NRROS: variants seen among roughly 807,000 people sequenced by gnomAD.
The protein encoded by NRROS is transforming growth factor beta activator LRRC33.
In NRROS, 6 loss-of-function variants were observed where a neutral mutation model predicts 12.0. The ratio of observed to expected loss-of-function variants is 0.50; its 90% confidence interval spans 0.27 to 0.98. The LOEUF (loss-of-function observed/expected upper bound fraction) is 0.98. Among genes scored for constraint, NRROS ranks in the 50% least tolerant of loss-of-function variants. The pLI is 0.11. For synonymous variants in NRROS, 462 were observed against 410.2 expected (o/e 1.13, Z -1.53); for missense variants, 857 against 888.2 (o/e 0.96, Z 0.45).
At chr3:196,659,722 C>T (rs908150606) in intron 2 of NRROS, 30 bp from the exon 3 acceptor site, 3 of 1,580,068 alleles carry the variant, frequency 1.9e-6, no homozygotes, top group East Asian at 2.2e-5. Flanking sequence ...TGGGCCTCCT[C>T]GCTGCTGACC....
In NRROS at chr3:196,661,596, C is replaced by G; in HGVS notation, c.1953C>G (p.Leu651=). ...CKWERLDLGL[L]YLVLILPSCL... ...GGGAGCGGCTGGACCTGGGCCTGCT[C>G]TACCTCGTGCTCATCCTCCCCAGCT... Residue 651 remains leucine, a synonymous_variant, in exon 3 of 3, where the codon CTC becomes CTG. Coordinates refer to ENST00000328557, the MANE Select transcript of NRROS (RefSeq NM_198565.3). 6.2e-7 allele frequency: 1 copy of G among 1,613,700 alleles called. No homozygotes were observed. Among genetic ancestry groups the G allele is most frequent in the Non-Finnish European group, 8.5e-7 (1 of 1,180,014 alleles).
intron 2 of NRROS, among the ~76,000 whole-genome samples, chr3:196,659,457 A>C (rs1273337456): frequency 6.6e-6 from 1 of 151,806 alleles, no homozygotes; most frequent in Non-Finnish European, 1.5e-5. Flanking sequence ...ACAGGTGTCC[A>C]CCACCACACC....
chr3:196,646,004 C>T (rs1260479849), intron 1 of NRROS, among the ~76,000 whole-genome samples: 1 of 152,268 alleles, frequency 6.6e-6, no homozygotes, highest in Non-Finnish European at 1.5e-5. Flanking sequence ...CCAGTGGGGG[C>T]GTGTCCTCCT....
In NRROS at chr3:196,654,691, G is replaced by T. The variant is rs748674319; in HGVS notation, c.108+44G>T. Reference sequence around the variant, plus strand: ...CTGATCTGTCGGCTGCTCCTGTCCTGACAAGGCTTGGTCCATTTGGAAAGC... The same window carrying T: ...CTGATCTGTCGGCTGCTCCTGTCCTTACAAGGCTTGGTCCATTTGGAAAGC... On this transcript the variant is annotated intron_variant, in intron 2 of 2. Coordinates refer to ENST00000328557, the MANE Select transcript of NRROS (RefSeq NM_198565.3). This position sits in a 1 kb window ranked among gnomAD's most constrained non-coding sequence, Gnocchi z 4.4. The T allele has an allele frequency of 1.6e-6, 2 of 1,235,706 alleles. No homozygotes were observed. Among genetic ancestry groups the T allele is most frequent in the Non-Finnish European group, 2.3e-6 (2 of 851,672 alleles). The allele number at this position is 1,235,706 out of a possible 1,614,324, so 76.5% of individuals were successfully genotyped here.
rs62636588 is a variant in NRROS, at chr3:196,660,892, G to A, written c.1249G>A (p.Val417Ile). Residue 417 changes from valine to isoleucine, a missense_variant, in exon 3 of 3, where the codon GTC becomes ATC. By Grantham distance (29) the Val-to-Ile change is conservative (BLOSUM62 3). Coordinates refer to ENST00000328557, the MANE Select transcript of NRROS (RefSeq NM_198565.3). The surrounding 1 kb of genome is among the most constrained non-coding windows in gnomAD (Gnocchi z 7.7). ...FNLSSNQLLG[V>I]PPGLFANARN... is the part of the protein sequence containing the mutation. The stretch of plus-strand genomic sequence containing the variant: ...CCTGAGCTCCAACCAGCTCCTGGGC[G>A]TCCCCCCTGGCCTCTTCGCCAATGC... 1,802 of 1,614,094 alleles carry A rather than the reference G, an allele frequency of 1.1e-3. 14 individuals are homozygous for A. The African/African-American group carries it at 0.012, about 11-fold the overall frequency.
At chr3:196,640,054 GC>G (rs1253845143) in intron 1 of NRROS, among the ~76,000 whole-genome samples, 179 bp downstream of exon 1, 50 of 152,254 alleles carry the variant, frequency 3.3e-4, no homozygotes, top group Admixed American at 3.1e-3. Context: ...GGGCGTGGGG[GC>G]TGCAGCTCTG....
chr3:196,658,865 G>A (rs1000250213), intron 2 of NRROS, among the ~76,000 whole-genome samples: 1 of 152,128 alleles, frequency 6.6e-6, no homozygotes, highest in African/African-American at 2.4e-5. Flanking sequence ...AGCTACTCGG[G>A]AGGCTGAAAC....
At chr3:196,641,799 G>T (rs146042590) in intron 1 of NRROS, among the ~76,000 whole-genome samples, 4,043 of 152,272 alleles carry the variant, frequency 0.027, 96 homozygotes, top group Middle Eastern at 0.065. Context: ...CCAGACTCTC[G>T]TATGGACAAT....
chr3:196,644,388 G>GACC (rs769566436), intron 1 of NRROS, among the ~76,000 whole-genome samples: 16 of 142,854 alleles, frequency 1.1e-4, no homozygotes, highest in Non-Finnish European at 2.3e-4. Flanking sequence ...AACAGAGTGA[G>GACC]ACCCCGTCTC....
chr3:196,652,417 G>A (rs773891132), intron 1 of NRROS, among the ~76,000 whole-genome samples: 1 of 152,186 alleles, frequency 6.6e-6, no homozygotes, highest in African/African-American at 2.4e-5. Flanking sequence ...CTCTGGAATA[G>A]TTATTATTAC....
At chr3:196,649,423 G>A (rs963899217) in intron 1 of NRROS, among the ~76,000 whole-genome samples, 36 of 152,226 alleles carry the variant, frequency 2.4e-4, no homozygotes, top group Admixed American at 2.0e-4. Context: ...GCACCTGTGC[G>A]CACTCTGCCT....
rs1239560651 is a variant in NRROS, at chr3:196,660,760, G to C, written c.1117G>C (p.Glu373Gln). 2 of 1,613,776 alleles carry C rather than the reference G, an allele frequency of 1.2e-6. No individual in the cohort carries two copies. The highest frequency in any genetic ancestry group is 2.2e-5 in the East Asian group (1 of 44,864). ...GATGACGCTTCACATTCGGGAGCAC[G>C]AGCCCCCCGGAGCGCTCACCGAGCT... ...CLMTLHIREH[E>Q]PPGALTELDL... Residue 373 changes from glutamate (E) to glutamine (Q), a missense_variant, in exon 3 of 3, where the codon GAG becomes CAG. Physicochemically the swap from Glu to Gln is conservative, Grantham distance 29. Transcript: ENST00000328557. This position sits in a 1 kb window ranked among gnomAD's most constrained non-coding sequence, Gnocchi z 7.7.
At chr3:196,649,835 G>A (rs967327845) in intron 1 of NRROS, among the ~76,000 whole-genome samples, 3 of 152,130 alleles carry the variant, frequency 2.0e-5, no homozygotes, top group Non-Finnish European at 4.4e-5. Flanking sequence ...ACCTCTTTCC[G>A]TAAAGCTTTT....
At position 196,660,316 on chromosome 3, in the gene NRROS, C is replaced by A. The variant is rs923540924; in HGVS notation, c.673C>A (p.Leu225Ile). ...CCTCCCCTGCATCGTGGACTTCGGG[C>A]TCACGCGGCTGCGGGTCCTCAACGT... ...NNLPCIVDFGLTRLRVLNVSY... is the reference protein window; with the variant it reads ...NNLPCIVDFGITRLRVLNVSY... Residue 225 changes from leucine to isoleucine, a missense_variant, in exon 3 of 3, where the codon CTC (leucine) becomes ATC (isoleucine). Physicochemically the swap from Leu to Ile is conservative, Grantham distance 5 (BLOSUM62 2). Transcript: ENST00000328557. The surrounding 1 kb of genome is among the most constrained non-coding windows in gnomAD (Gnocchi z 7.7). The A allele has an allele frequency of 6.2e-7, 1 of 1,613,872 alleles. No homozygotes were observed. Among genetic ancestry groups the A allele is most frequent in the African/African-American group, 1.3e-5 (1 of 74,950 alleles).
intron 1 of NRROS, among the ~76,000 whole-genome samples, chr3:196,650,937 C>T (rs952865748): frequency 6.6e-6 from 1 of 152,186 alleles, no homozygotes; most frequent in Admixed American, 6.5e-5. Context: ...GGCAGCCCCT[C>T]GGGAAGCGGC....
rs1560057537 is a variant in NRROS, at chr3:196,661,807, C to A, written c.*85C>A. ...AGCTTTCAAGATGTGATGCAGAGGC[C>A]AAGTCTGACGAATTGAAGTTTCAAT... is the stretch of plus-strand genomic sequence containing the variant. On this transcript the variant is annotated 3_prime_UTR_variant, in exon 3 of 3. Coordinates refer to ENST00000328557, the MANE Select transcript of NRROS (RefSeq NM_198565.3). 1 of 1,175,346 alleles carries A rather than the reference C, an allele frequency of 8.5e-7. No homozygotes were observed. The highest frequency in any genetic ancestry group is 1.2e-6 in the Non-Finnish European group (1 of 845,886). 72.8% of individuals were successfully genotyped at this position (1,175,346 alleles called of 1,614,324 possible).
At chr3:196,646,242 C>G (rs1298053938) in intron 1 of NRROS, among the ~76,000 whole-genome samples, 1 of 152,240 alleles carries the variant, frequency 6.6e-6, no homozygotes, top group Non-Finnish European at 1.5e-5. Context: ...CTACACAGGT[C>G]CCACCTGCTC....
At position 196,660,297 on chromosome 3, in the gene NRROS, C is replaced by T; in HGVS notation, c.654C>T (p.Pro218=). The T allele has an allele frequency of 4.3e-6, 7 of 1,614,036 alleles. No homozygotes were observed. Among genetic ancestry groups the T allele is most frequent in the Non-Finnish European group, 5.9e-6 (7 of 1,180,044 alleles). The change falls in exon 3 of 3, where the codon CCC becomes CCT. Residue 218 remains proline, a synonymous_variant. Coordinates refer to ENST00000328557, the MANE Select transcript of NRROS (RefSeq NM_198565.3). The surrounding 1 kb of genome is among the most constrained non-coding windows in gnomAD (Gnocchi z 7.7). ...TCAACCTGGCCTTCAACAACCTCCCCTGCATCGTGGACTTCGGGCTCACGC... is the reference window on the plus strand; with the variant it reads ...TCAACCTGGCCTTCAACAACCTCCCTTGCATCGTGGACTTCGGGCTCACGC... ...RHLNLAFNNL[P]CIVDFGLTRL...
chr3:196,652,176 T>G (rs887543704), intron 1 of NRROS, among the ~76,000 whole-genome samples: 1 of 152,218 alleles, frequency 6.6e-6, no homozygotes, highest in African/African-American at 2.4e-5. Flanking sequence ...TTCCTGCATA[T>G]GTTTTACATA....
Sources: allele counts gnomAD v4.1 joint callset (sites outside exome capture counted in the v4.1 genomes callset), GRCh38; gene constraint gnomAD v4.1.1; non-coding constraint Gnocchi (gnomAD v3.1); transcripts MANE v1.5; gene names NCBI Gene and HGNC (gene_info 2026-07-23, HGNC 2026-07-21).